The following CNTN5 variants were observed in gnomAD, a reference collection of about 807,000 sequenced individuals.
The protein encoded by CNTN5 is contactin 5, also known as contactin-5.
A neutral mutation model predicts 129.1 loss-of-function variants in CNTN5; 77 were observed. The ratio of observed to expected loss-of-function variants is 0.60; its 90% CI spans 0.50 to 0.72. The LOEUF (loss-of-function observed/expected upper bound fraction) is 0.72, where lower values mean the gene tolerates loss of function less well. Ranked by LOEUF, CNTN5 falls within the 30% of genes least tolerant of loss-of-function variation. The probability of loss-of-function intolerance (pLI) is 0.00; values close to 1 mark genes in which losing one functional copy is unlikely to be tolerated. For synonymous variants in CNTN5, 509 were observed against 465.6 expected (o/e 1.09, Z -1.20); for missense variants, 1,478 against 1,328.8 (o/e 1.11, Z -1.75).
At chr11:99,198,889 A>G (rs1229880476) in intron 1 of CNTN5, among the ~76,000 whole-genome samples, 1 of 152,176 alleles carries the variant, frequency 6.6e-6, no homozygotes, top group East Asian at 1.9e-4. Flanking sequence ...GTTACCTTGA[A>G]GACAGCCTCA....
chr11:99,028,129 A>C (rs531043928), intron 1 of CNTN5, among the ~76,000 whole-genome samples: 12 of 151,954 alleles, frequency 7.9e-5, no homozygotes, highest in African/African-American at 2.9e-4. Flanking sequence ...AAGAAGGAGT[A>C]GTTATCTGAG....
intron 9 of CNTN5, among the ~76,000 whole-genome samples, chr11:100,011,960 A>T (rs1940561187): frequency 6.6e-6 from 1 of 152,164 alleles, no homozygotes; most frequent in African/African-American, 2.4e-5. Context: ...TTACAGATTG[A>T]TGATTTATTA....
In CNTN5 at chr11:100,135,707, GCTTT is replaced by G. The variant is rs1946500862; in HGVS notation, c.1581-55416_1581-55413del. ...CACCATGAGTATTACTCTCTCTTCTGCTTTCTGATATTGGTGACAATTTTAACTG... is the reference window on the plus strand; with the variant it reads ...CACCATGAGTATTACTCTCTCTTCTGCTGATATTGGTGACAATTTTAACTG... On this transcript the variant is annotated intron_variant, in intron 13 of 24. Transcript: ENST00000524871. Among the ~76,000 whole-genome samples the G allele has an allele frequency of 2.0e-5, 3 of 152,172 alleles. No individual in the cohort carries two copies. The East Asian group carries it at 5.8e-4, about 29-fold the overall frequency.
At chr11:99,803,574 G>GCTGGTGTCTTTTCCTGACAGTGTCTA (rs1946178660) in intron 3 of CNTN5, among the ~76,000 whole-genome samples, 2 of 152,196 alleles carry the variant, frequency 1.3e-5, no homozygotes, top group African/African-American at 4.8e-5. Flanking sequence ...CACAGTTTTT[G>GCTGGTGTCTTTTCCTGACAGTGTCTA]CTGGTGTCTT....
At chr11:99,483,797 A>G (rs952208360) in intron 2 of CNTN5, among the ~76,000 whole-genome samples, 6 of 152,224 alleles carry the variant, frequency 3.9e-5, no homozygotes, top group African/African-American at 1.4e-4. Flanking sequence ...TACCAAGAAC[A>G]TAAACTGGGC....
intron 1 of CNTN5, among the ~76,000 whole-genome samples, chr11:99,178,113 C>T (rs1437212974): frequency 6.6e-6 from 1 of 151,876 alleles, no homozygotes; most frequent in Non-Finnish European, 1.5e-5. Context: ...AAGACAGAAA[C>T]AAGACCTACA....
chr11:99,425,861 C>T (rs1354034838), intron 2 of CNTN5, among the ~76,000 whole-genome samples: 2 of 152,224 alleles, frequency 1.3e-5, no homozygotes, highest in East Asian at 3.9e-4. Flanking sequence ...GCTACTCCTC[C>T]CCCACTGCAG....
At chr11:99,668,816 C>T (rs757056060) in intron 3 of CNTN5, among the ~76,000 whole-genome samples, 13 of 152,040 alleles carry the variant, frequency 8.6e-5, no homozygotes, top group Non-Finnish European at 1.8e-4. Context: ...TGCCTGTGGT[C>T]CTAGCTACTC....
intron 2 of CNTN5, among the ~76,000 whole-genome samples, chr11:99,382,845 CTTTTTT>C (rs1163660333): frequency 3.9e-4 from 30 of 77,040 alleles, no homozygotes; most frequent in East Asian, 2.6e-3. Flanking sequence ...CTCTAAATAA[CTTTTTT>C]TTTTTTTTTT....
intron 2 of CNTN5, among the ~76,000 whole-genome samples, chr11:99,420,702 A>T (rs557193527): frequency 1.3e-5 from 2 of 152,342 alleles, no homozygotes; most frequent in African/African-American, 4.8e-5. Context: ...GAAAGCAGTC[A>T]ATCAAAGGCA....
intron 1 of CNTN5, among the ~76,000 whole-genome samples, chr11:99,172,468 T>C (rs1052861153): frequency 1.6e-4 from 24 of 152,324 alleles, no homozygotes; most frequent in African/African-American, 5.5e-4. Flanking sequence ...ATATTTTTTA[T>C]TGAGACATCT....
At chr11:100,256,442 T>C (rs760390059) in intron 17 of CNTN5, among the ~76,000 whole-genome samples, 24 of 152,176 alleles carry the variant, frequency 1.6e-4, no homozygotes, top group Non-Finnish European at 3.1e-4. Flanking sequence ...ATTAGCTCAG[T>C]TCCTTTTGCT....
intron 3 of CNTN5, among the ~76,000 whole-genome samples, chr11:99,557,305 A>G (rs1397039679): frequency 6.6e-6 from 1 of 151,300 alleles, no homozygotes; most frequent in East Asian, 1.9e-4. Flanking sequence ...ATATGTATTT[A>G]TGATCATATA....
At chr11:99,389,035 ATT>A (rs1321693677) in intron 2 of CNTN5, among the ~76,000 whole-genome samples, 1 of 144,742 alleles carries the variant, frequency 6.9e-6, no homozygotes, top group African/African-American at 2.7e-5. Context: ...ATTTTATTTT[ATT>A]TTATTTTTTG....
At chr11:100,191,908 C>T (rs1470590283) in intron 14 of CNTN5, among the ~76,000 whole-genome samples, 2 of 151,914 alleles carry the variant, frequency 1.3e-5, no homozygotes, top group African/African-American at 2.4e-5. Context: ...GCAGTCCCTT[C>T]AGATGTTTTT....
Position 99,948,196 on chromosome 11 carries a change from G to A in CNTN5, c.674-8610G>A, listed in dbSNP as rs73553343. On this transcript the variant is annotated intron_variant, in intron 7 of 24. Transcript: ENST00000524871. Reference sequence around the variant, plus strand: ...ATTATTATCTGTGCGACTTTTCATGGTAAAATATTTGGACAACTCTGTAAA... The same window carrying A: ...ATTATTATCTGTGCGACTTTTCATGATAAAATATTTGGACAACTCTGTAAA... 8.2e-3 allele frequency among the ~76,000 whole-genome samples: 1,256 copies of A among 152,270 alleles called. 20 individuals are homozygous for A. The highest frequency in any genetic ancestry group is 0.028 in the African/African-American group (1,173 of 41,558).
chr11:99,725,930 T>G (rs1484636885), intron 3 of CNTN5, among the ~76,000 whole-genome samples: 10 of 152,228 alleles, frequency 6.6e-5, no homozygotes, highest in Admixed American at 5.9e-4. Context: ...CATTAGTCTT[T>G]TTAAAGATAC....
At chr11:99,589,195 ATGCT>A (rs1460183588) in intron 3 of CNTN5, among the ~76,000 whole-genome samples, 1 of 152,110 alleles carries the variant, frequency 6.6e-6, no homozygotes, top group Non-Finnish European at 1.5e-5. Flanking sequence ...GTAGTGGTAA[ATGCT>A]TTATAAATGC....
At chr11:99,655,348 T>C (rs1238026913) in intron 3 of CNTN5, among the ~76,000 whole-genome samples, 1 of 152,136 alleles carries the variant, frequency 6.6e-6, no homozygotes, top group African/African-American at 2.4e-5. Flanking sequence ...GCCTGACTAA[T>C]ACTAAGTTAT....
Sources: gnomAD v4.1 joint callset for allele counts (sites outside exome capture counted in the v4.1 genomes callset) on GRCh38, gnomAD v4.1.1 for gene constraint, MANE v1.5 for transcripts, NCBI Gene and HGNC (gene_info 2026-07-23, HGNC 2026-07-21) for gene names.